Variants in LRP8 observed in about 807,000 individuals in gnomAD.
LRP8 encodes LDL receptor related protein 8.
In LRP8, 46 loss-of-function variants were observed where a neutral mutation model predicts 111.6. The ratio of observed to expected loss-of-function variants is 0.41; its 90% CI spans 0.33 to 0.53. LRP8 has a LOEUF of 0.53. Ranked by LOEUF, LRP8 falls within the 20% of genes least tolerant of loss-of-function variation. The probability of loss-of-function intolerance (pLI) is 0.20; values close to 1 mark genes in which losing one functional copy is unlikely to be tolerated. For missense variants in LRP8, 959 were observed against 1,297.4 expected (o/e 0.74, Z 4.01); for synonymous variants, 464 against 511.2 (o/e 0.91, Z 1.24).
chr1:53,314,721 C>A (rs79960258), intron 2 of LRP8, among the ~76,000 whole-genome samples: 1 of 152,204 alleles, frequency 6.6e-6, no homozygotes, highest in African/African-American at 2.4e-5. Context: ...ACCTCCACCC[C>A]ACTAGGCTGC....
intron 4 of LRP8, among the ~76,000 whole-genome samples, chr1:53,280,020 T>C (rs1253175168): frequency 6.6e-6 from 1 of 152,238 alleles, no homozygotes; most frequent in Non-Finnish European, 1.5e-5. Flanking sequence ...ACCACTTCCA[T>C]CTGTCCCTGC....
intron 18 of LRP8, among the ~76,000 whole-genome samples, chr1:53,247,658 C>A (rs1645769664): frequency 6.6e-6 from 1 of 152,164 alleles, no homozygotes; most frequent in Admixed American, 6.5e-5. Flanking sequence ...GCCCACTAAC[C>A]CCTGAACCAG....
chr1:53,327,107 G>A, intron 1 of LRP8, 115 bp from the exon 2 acceptor site: 1 of 1,425,006 alleles, frequency 7.0e-7, no homozygotes, highest in Non-Finnish European at 9.5e-7. Context: ...CGATTATGGA[G>A]ACCCCGGGGG....
chr1:53,244,825 T>C lies in LRP8; in HGVS notation c.*2193A>G, dbSNP rs1226069730. On this transcript the variant is annotated 3_prime_UTR_variant, in exon 19 of 19. Coordinates refer to ENST00000306052, the MANE Select transcript of LRP8 (RefSeq NM_004631.5). ...ACTTGTTTTGAGTACATTTCCATGT[T>C]TTTCACTGTCATCATTTTTCTTCAG... 1 of 152,224 alleles carries C rather than the reference T, an allele frequency of 6.6e-6. No individual in the cohort carries two copies. The highest frequency in any genetic ancestry group is 1.5e-5 in the Non-Finnish European group (1 of 68,028). The allele number at this position is 152,224 out of a possible 1,614,324, so 9.4% of individuals were successfully genotyped here. A position where few individuals can be genotyped will look rare whatever the true frequency, so the allele number is the denominator to read the frequency against.
rs1488841428 is a variant in LRP8 at position 53,294,872 on chromosome 1, G to C, written c.245-5183C>G. 1.3e-5 allele frequency among the ~76,000 whole-genome samples: 2 copies of C among 152,208 alleles called. No homozygotes were observed. Among genetic ancestry groups the C allele is most frequent in the Admixed American group, 6.5e-5 (1 of 15,284 alleles). On this transcript the variant is annotated intron_variant, in intron 2 of 18. Coordinates refer to ENST00000306052, the MANE Select transcript of LRP8 (RefSeq NM_004631.5). This position sits in a 1 kb window ranked among gnomAD's most constrained non-coding sequence, Gnocchi z 4.1. The stretch of plus-strand genomic sequence containing the variant: ...ATGCTGCTCCCCACCCACACGCATC[G>C]TGGAGCCCCGGTGCAGAGAGAAGGC...
At chr1:53,296,172 A>T (rs569826253) in intron 2 of LRP8, among the ~76,000 whole-genome samples, 1 of 152,340 alleles carries the variant, frequency 6.6e-6, no homozygotes, top group South Asian at 2.1e-4. Flanking sequence ...TGTCAGCCTT[A>T]CAGGCTCTGA....
intron 2 of LRP8, among the ~76,000 whole-genome samples, chr1:53,300,726 A>G (rs945160883): frequency 1.3e-5 from 2 of 152,174 alleles, no homozygotes; most frequent in African/African-American, 2.4e-5. Context: ...CCAGTCTCCT[A>G]GTGAAAGCTG....
rs1646362467 is a variant in LRP8, at chr1:53,262,147, T to A, written c.1835A>T (p.Asp612Val). 2.5e-6 allele frequency: 4 copies of A among 1,614,092 alleles called. No individual in the cohort carries two copies. Among genetic ancestry groups the A allele is most frequent in the Non-Finnish European group, 3.4e-6 (4 of 1,180,032 alleles). ...DSKLHQLSSI[D>V]FSGGNRKTLI... Reference sequence around the variant, plus strand: ...CGTCTTTCTGTTGCCTCCACTGAAGTCAATGCTGGACAGTTGGTGTAGCTT... The same window carrying A: ...CGTCTTTCTGTTGCCTCCACTGAAGACAATGCTGGACAGTTGGTGTAGCTT... The change falls in exon 12 of 19, where the codon GAC (aspartate) becomes GTC (valine). Residue 612 changes from aspartate (D) to valine (V), a missense_variant. Asp to Val is a radical substitution (Grantham distance 152). Transcript: ENST00000306052. This position sits in a 1 kb window ranked among gnomAD's most constrained non-coding sequence, Gnocchi z 4.8.
At position 53,294,695 on chromosome 1, in the gene LRP8, A is replaced by C. The variant is rs867897676; in HGVS notation, c.245-5006T>G. On this transcript the variant is annotated intron_variant, in intron 2 of 18. Coordinates refer to ENST00000306052, the MANE Select transcript of LRP8 (RefSeq NM_004631.5). This position sits in a 1 kb window ranked among gnomAD's most constrained non-coding sequence, Gnocchi z 4.1. ...AACCTTCTGAGCTTGCCTCCTCCTC[A>C]TCAGGAAATGGAGGTGTGGCGCTGA... Among the ~76,000 whole-genome samples the C allele has an allele frequency of 1.2e-4, 18 of 152,218 alleles. No homozygotes were observed. The highest frequency in any genetic ancestry group is 3.9e-4 in the East Asian group (2 of 5,168).
intron 13 of LRP8, among the ~76,000 whole-genome samples, chr1:53,258,976 T>C (rs1366902478): frequency 6.6e-6 from 1 of 152,236 alleles, no homozygotes; most frequent in Non-Finnish European, 1.5e-5. Context: ...AAATACATTA[T>C]TTTGTTCCTT....
chr1:53,258,243 C>A, intron 14 of LRP8, 76 bp downstream of exon 14: 1 of 1,461,336 alleles, frequency 6.8e-7, no homozygotes. Flanking sequence ...TACTGTGTCC[C>A]AGAAGCCAAG....
rs144318305 is a variant in LRP8, at chr1:53,264,198, G to C, written c.1626C>G (p.Pro542=). 1.9e-6 allele frequency: 3 copies of C among 1,614,142 alleles called. No homozygotes were observed. The highest frequency in any genetic ancestry group is 2.5e-6 in the Non-Finnish European group (3 of 1,180,020). The part of the protein sequence containing the change: ...RTLFSRNLSE[P]RAIAVDPLRG... ...GCAGGGGGTCAACAGCGATGGCCCGGGGTTCACTGAGGTTACGGCTGAAGA... is the reference window on the plus strand; with the variant it reads ...GCAGGGGGTCAACAGCGATGGCCCGCGGTTCACTGAGGTTACGGCTGAAGA... The change falls in exon 10 of 19, where the codon CCC becomes CCG. Residue 542 remains proline, a synonymous_variant. Coordinates refer to ENST00000306052, the MANE Select transcript of LRP8 (RefSeq NM_004631.5).
At chr1:53,295,550 C>T (rs1046149160) in intron 2 of LRP8, among the ~76,000 whole-genome samples, 3 of 152,138 alleles carry the variant, frequency 2.0e-5, no homozygotes, top group African/African-American at 7.2e-5. Flanking sequence ...GCCAGAGCTT[C>T]CTTTGGGATT....
intron 2 of LRP8, among the ~76,000 whole-genome samples, chr1:53,308,862 T>G (rs1288487): frequency 0.62 from 93,785 of 152,100 alleles, 31,693 homozygotes; most frequent in East Asian, 0.93. Flanking sequence ...AGAGACCCGC[T>G]TTTAAATCCT....
intron 2 of LRP8, among the ~76,000 whole-genome samples, chr1:53,316,984 G>C (rs1288445431): frequency 6.6e-6 from 1 of 152,144 alleles, no homozygotes; most frequent in African/African-American, 2.4e-5. Flanking sequence ...TATGGGAGAA[G>C]AGTGTCATCT....
chr1:53,316,822 G>A (rs1572685354), intron 2 of LRP8, among the ~76,000 whole-genome samples: 1 of 152,226 alleles, frequency 6.6e-6, no homozygotes, highest in East Asian at 1.9e-4. Flanking sequence ...TGGGACCAGA[G>A]CACACATGGC....
chr1:53,251,671 G>T (rs1645900103), intron 16 of LRP8, among the ~76,000 whole-genome samples: 1 of 151,320 alleles, frequency 6.6e-6, no homozygotes, highest in Non-Finnish European at 1.5e-5. Flanking sequence ...ACAGGAACAA[G>T]GCAGTTATCA....
chr1:53,265,177 A>C (rs1403739631), intron 9 of LRP8, among the ~76,000 whole-genome samples: 1 of 152,204 alleles, frequency 6.6e-6, no homozygotes, highest in Non-Finnish European at 1.5e-5. Flanking sequence ...CTCAGGAGGC[A>C]ACATTAGCAA....
At chr1:53,288,640 G>A (rs1448918593) in intron 3 of LRP8, among the ~76,000 whole-genome samples, 11 of 152,040 alleles carry the variant, frequency 7.2e-5, no homozygotes, top group Non-Finnish European at 1.3e-4. Context: ...ATGGGACTCC[G>A]GTCTCCATTG....
Sources: gnomAD v4.1 joint callset for allele counts (sites outside exome capture counted in the v4.1 genomes callset) on GRCh38, gnomAD v4.1.1 for gene constraint, Gnocchi (gnomAD v3.1) non-coding constraint, MANE v1.5 for transcripts, NCBI Gene and HGNC (gene_info 2026-07-23, HGNC 2026-07-21) for gene names.